Variants in IRF2 observed in about 807,000 individuals in gnomAD.
The protein encoded by IRF2 is interferon regulatory factor 2.
Under a neutral mutation model 40.6 loss-of-function variants are expected in IRF2, and 15 were observed. The observed-to-expected ratio is 0.37, with a 90% CI of 0.25 to 0.57. The LOEUF (loss-of-function observed/expected upper bound fraction) is 0.57, where lower values mean the gene tolerates loss of function less well. Ranked by LOEUF, IRF2 falls within the 20% of genes least tolerant of loss-of-function variation. IRF2 has a pLI of 0.77. For missense variants in IRF2, 317 were observed against 455.7 expected (o/e 0.70, Z 2.77); for synonymous variants, 151 against 165.5 (o/e 0.91, Z 0.67).
intron 7 of IRF2, among the ~76,000 whole-genome samples, chr4:184,396,112 T>A (rs904314546): frequency 6.6e-6 from 1 of 152,176 alleles, no homozygotes; most frequent in African/African-American, 2.4e-5. Flanking sequence ...AAGTCATGGG[T>A]TTTTAGCCAT....
chr4:184,422,847 C>A (rs1484372761), intron 2 of IRF2, among the ~76,000 whole-genome samples: 3 of 152,130 alleles, frequency 2.0e-5, no homozygotes, highest in Non-Finnish European at 2.9e-5. Flanking sequence ...TACAGCATTT[C>A]CTTTTGGAGG....
At chr4:184,421,730 C>CAT (rs1362430186) in intron 2 of IRF2, among the ~76,000 whole-genome samples, 7 of 151,942 alleles carry the variant, frequency 4.6e-5, no homozygotes, top group Non-Finnish European at 8.8e-5. Context: ...CATGCATACA[C>CAT]ATACACACAC....
At chr4:184,393,855 C>T (rs1736347531) in intron 7 of IRF2, among the ~76,000 whole-genome samples, 1 of 152,150 alleles carries the variant, frequency 6.6e-6, no homozygotes, top group Non-Finnish European at 1.5e-5. Context: ...TCGGTGGCTC[C>T]AAGTGCTTTG....
chr4:184,396,693 TC>T (rs895166618), intron 7 of IRF2, among the ~76,000 whole-genome samples: 2 of 152,024 alleles, frequency 1.3e-5, no homozygotes, highest in Admixed American at 1.3e-4. Context: ...ACTTCAGCCT[TC>T]CAGTGCAGGG....
intron 1 of IRF2, among the ~76,000 whole-genome samples, chr4:184,438,747 T>C (rs1738182136): frequency 6.6e-6 from 1 of 152,206 alleles, no homozygotes; most frequent in Non-Finnish European, 1.5e-5. Context: ...AAGCATACCC[T>C]AAGAGCTGTA....
intron 1 of IRF2, among the ~76,000 whole-genome samples, chr4:184,456,503 C>T (rs534410522): frequency 6.6e-6 from 1 of 152,378 alleles, no homozygotes; most frequent in African/African-American, 2.4e-5. Flanking sequence ...GGAAGGTTTC[C>T]CTGAAGCTGC....
chr4:184,409,946 A>G (rs2149897163), intron 5 of IRF2, among the ~76,000 whole-genome samples: 1 of 152,110 alleles, frequency 6.6e-6, no homozygotes, highest in South Asian at 2.1e-4. Flanking sequence ...CAAAAAACAA[A>G]AAACAAAAAA....
At chr4:184,391,359 A>AG (rs1312705417) in intron 7 of IRF2, among the ~76,000 whole-genome samples, 1 of 152,166 alleles carries the variant, frequency 6.6e-6, no homozygotes, top group East Asian at 1.9e-4. Flanking sequence ...GATACAGCAA[A>AG]GGGGATGAAA....
intron 5 of IRF2, among the ~76,000 whole-genome samples, chr4:184,412,820 C>T (rs190952332): frequency 3.0e-4 from 46 of 152,356 alleles, no homozygotes; most frequent in Admixed American, 1.8e-3. Flanking sequence ...TGCATCTTCT[C>T]TGCGGGCCTT....
Position 184,408,869 on chromosome 4 carries a change from C to T in IRF2, c.412-594G>A, listed in dbSNP as rs1736967540. Reference sequence around the variant, plus strand: ...TGAGTCCAGCCGGGCAACCCCACACCATGGGCTTTACATAAATGCCCTTCA... The same window carrying T: ...TGAGTCCAGCCGGGCAACCCCACACTATGGGCTTTACATAAATGCCCTTCA... On this transcript the variant is annotated intron_variant, in intron 5 of 8. Transcript: ENST00000393593. The surrounding 1 kb of genome is among the most constrained non-coding windows in gnomAD (Gnocchi z 4.9). Among the ~76,000 whole-genome samples, 1 of 152,250 alleles carries T rather than the reference C, an allele frequency of 6.6e-6. No homozygotes were observed.
chr4:184,419,763 G>A (rs113306074), intron 2 of IRF2, among the ~76,000 whole-genome samples, 195 bp from the exon 3 acceptor site: 1 of 152,122 alleles, frequency 6.6e-6, no homozygotes, highest in African/African-American at 2.4e-5. Flanking sequence ...AGACTACCCC[G>A]AGTGACAGTC....
At chr4:184,429,268 A>G (rs3733473) in intron 1 of IRF2, among the ~76,000 whole-genome samples, 198 bp from the exon 2 acceptor site, 120,107 of 152,098 alleles carry the variant, frequency 0.79, 47,681 homozygotes, top group African/African-American at 0.82. Context: ...GGCTATCTGG[A>G]GACACAGGAT....
chr4:184,421,722 T>G (rs1737488701), intron 2 of IRF2, among the ~76,000 whole-genome samples: 1 of 151,984 alleles, frequency 6.6e-6, no homozygotes, highest in Non-Finnish European at 1.5e-5. Flanking sequence ...CACGCATGCA[T>G]GCATACACAT....
At chr4:184,421,306 T>G (rs536129041) in intron 2 of IRF2, among the ~76,000 whole-genome samples, 2 of 152,304 alleles carry the variant, frequency 1.3e-5, no homozygotes, top group South Asian at 4.1e-4. Context: ...AGTCAGTTAT[T>G]AAAGGAGAAC....
At chr4:184,411,784 C>T (rs1737081851) in intron 5 of IRF2, among the ~76,000 whole-genome samples, 1 of 151,976 alleles carries the variant, frequency 6.6e-6, no homozygotes, top group African/African-American at 2.4e-5. Flanking sequence ...CCTGCAGGCC[C>T]TGAACACTCT....
At chr4:184,404,551 T>C (rs1250293507) in intron 6 of IRF2, among the ~76,000 whole-genome samples, 1 of 152,192 alleles carries the variant, frequency 6.6e-6, no homozygotes, top group Non-Finnish European at 1.5e-5. Flanking sequence ...TAAATAATTA[T>C]ATATTGTTTC....
chr4:184,430,235 C>T (rs1395935676), intron 1 of IRF2, among the ~76,000 whole-genome samples: 2 of 150,794 alleles, frequency 1.3e-5, no homozygotes, highest in East Asian at 2.0e-4. Context: ...AGCATCCTTC[C>T]GTGACCCCCA....
At chr4:184,467,276 AG>A (rs2149919797) in intron 1 of IRF2, among the ~76,000 whole-genome samples, 1 of 152,320 alleles carries the variant, frequency 6.6e-6, no homozygotes, top group African/African-American at 2.4e-5. Flanking sequence ...ATTTATGCAA[AG>A]ACAGAAAATC....
At chr4:184,432,712 A>C (rs892478394) in intron 1 of IRF2, among the ~76,000 whole-genome samples, 8 of 152,208 alleles carry the variant, frequency 5.3e-5, no homozygotes, top group African/African-American at 1.7e-4. Flanking sequence ...ACAGACACAG[A>C]GAAGAATGCC....
Sources: allele counts gnomAD v4.1 joint callset (sites outside exome capture counted in the v4.1 genomes callset), GRCh38; gene constraint gnomAD v4.1.1; non-coding constraint Gnocchi (gnomAD v3.1); transcripts MANE v1.5; gene names NCBI Gene and HGNC (gene_info 2026-07-23, HGNC 2026-07-21).